FAM117B: variants seen among roughly 807,000 people sequenced by gnomAD.
FAM117B encodes the protein family with sequence similarity 117 member B, also known as protein FAM117B.
A neutral mutation model predicts 52.8 loss-of-function variants in FAM117B; 22 were observed. The observed-to-expected ratio is 0.42, with a 90% confidence interval of 0.30 to 0.59. The LOEUF (loss-of-function observed/expected upper bound fraction) is 0.59. Among genes scored for constraint, FAM117B ranks in the 20% least tolerant of loss-of-function variants. The probability of loss-of-function intolerance (pLI) is 0.22; values close to 1 mark genes in which losing one functional copy is unlikely to be tolerated. For synonymous variants in FAM117B, 309 were observed against 324.1 expected, an observed-to-expected ratio of 0.95 and a Z score of 0.50; for missense variants, 678 against 802.6, an observed-to-expected ratio of 0.84 and a Z score of 1.88.
intron 2 of FAM117B, among the ~76,000 whole-genome samples, chr2:202,703,485 G>A (rs1690825848): frequency 6.6e-6 from 1 of 152,144 alleles, no homozygotes; most frequent in Non-Finnish European, 1.5e-5. Flanking sequence ...CTCCTGATTA[G>A]CTAGGACTAT....
chr2:202,745,766 G>A (rs1691622337), intron 4 of FAM117B, among the ~76,000 whole-genome samples: 5 of 152,078 alleles, frequency 3.3e-5, no homozygotes, highest in South Asian at 2.1e-4. Flanking sequence ...GCTATTCCAC[G>A]CAAATGGAAA....
intron 2 of FAM117B, among the ~76,000 whole-genome samples, chr2:202,708,147 G>A (rs759509139): frequency 1.3e-5 from 2 of 152,126 alleles, no homozygotes; most frequent in Non-Finnish European, 1.5e-5. Context: ...AATATAATAG[G>A]TATGATAATT....
intron 2 of FAM117B, among the ~76,000 whole-genome samples, chr2:202,700,014 G>A (rs1444425464): frequency 6.6e-6 from 1 of 152,112 alleles, no homozygotes; most frequent in Admixed American, 6.6e-5. Flanking sequence ...TATATAAGAC[G>A]GGGAACTTAA....
intron 1 of FAM117B, among the ~76,000 whole-genome samples, chr2:202,648,146 T>A (rs554952398): frequency 6.6e-5 from 10 of 152,286 alleles, no homozygotes; most frequent in African/African-American, 2.4e-4. Context: ...TTGTCTCAGT[T>A]CATTCTTCTC....
At chr2:202,722,526 A>G (rs1457142668) in intron 2 of FAM117B, among the ~76,000 whole-genome samples, 1 of 152,184 alleles carries the variant, frequency 6.6e-6, no homozygotes, top group South Asian at 2.1e-4. Context: ...TTGCAGGAAC[A>G]TGGATGGAGC....
At chr2:202,714,298 T>G (rs1691003098) in intron 2 of FAM117B, among the ~76,000 whole-genome samples, 1 of 152,158 alleles carries the variant, frequency 6.6e-6, no homozygotes, top group Non-Finnish European at 1.5e-5. Context: ...GGTTGAAATG[T>G]TCTGCAAATA....
At chr2:202,763,640 T>A (rs898605983) in intron 7 of FAM117B, among the ~76,000 whole-genome samples, 2 of 152,208 alleles carry the variant, frequency 1.3e-5, no homozygotes, top group African/African-American at 2.4e-5. Context: ...GTTGTTCTTA[T>A]CAGTAATATA....
In FAM117B at chr2:202,724,897, C is replaced by G; in HGVS notation, c.754-20C>G. On this transcript the variant is annotated intron_variant, in intron 2 of 7. Coordinates refer to ENST00000392238, the MANE Select transcript of FAM117B (RefSeq NM_173511.4). ...GAAATGATTTTTGTTAAATACACCT[C>G]CCCTCTTTTTTCATTACAGACAGAG... 6.4e-7 allele frequency: 1 copy of G among 1,566,300 alleles called. No individual in the cohort carries two copies. Among genetic ancestry groups the G allele is most frequent in the Non-Finnish European group, 8.7e-7 (1 of 1,149,970 alleles).
intron 1 of FAM117B, among the ~76,000 whole-genome samples, chr2:202,653,307 A>G (rs1689983531): frequency 6.6e-6 from 1 of 152,172 alleles, no homozygotes; most frequent in South Asian, 2.1e-4. Context: ...CCCCCACAAA[A>G]GTGAAGACCC....
At chr2:202,649,171 C>G (rs1245092630) in intron 1 of FAM117B, among the ~76,000 whole-genome samples, 1 of 152,102 alleles carries the variant, frequency 6.6e-6, no homozygotes, top group African/African-American at 2.4e-5. Context: ...CATTTTTTCC[C>G]CATCCTCCTT....
intron 1 of FAM117B, among the ~76,000 whole-genome samples, chr2:202,691,508 A>C (rs535604997): frequency 1.3e-5 from 2 of 152,296 alleles, no homozygotes; most frequent in South Asian, 4.1e-4. Flanking sequence ...AATTAAAAAA[A>C]AAAATGAAAT....
chr2:202,756,516 G>A (rs1393207083), intron 5 of FAM117B, among the ~76,000 whole-genome samples: 1 of 152,100 alleles, frequency 6.6e-6, no homozygotes, highest in Non-Finnish European at 1.5e-5. Flanking sequence ...CTATTCTTTA[G>A]TGAAGGAGGA....
chr2:202,724,529 G>T (rs544423343), intron 2 of FAM117B, among the ~76,000 whole-genome samples: 18 of 152,282 alleles, frequency 1.2e-4, no homozygotes, highest in Admixed American at 6.5e-4. Context: ...TAGCACATAA[G>T]AGCACAAGAA....
chr2:202,664,028 A>G (rs1263430036), intron 1 of FAM117B, among the ~76,000 whole-genome samples: 2 of 152,298 alleles, frequency 1.3e-5, no homozygotes, highest in African/African-American at 4.8e-5. Context: ...ATTATTTCCA[A>G]AAAAAAGCAT....
At chr2:202,694,099 T>C (rs1282886259) in intron 1 of FAM117B, among the ~76,000 whole-genome samples, 1 of 152,070 alleles carries the variant, frequency 6.6e-6, no homozygotes, top group Non-Finnish European at 1.5e-5. Flanking sequence ...TATTAAATCA[T>C]GTATGAGGTG....
intron 4 of FAM117B, among the ~76,000 whole-genome samples, chr2:202,741,241 G>A (rs1348141966): frequency 6.6e-6 from 1 of 151,744 alleles, no homozygotes; most frequent in Non-Finnish European, 1.5e-5. Context: ...TCAACATGGT[G>A]AAACGCCATC....
chr2:202,758,727 C>A (rs1691839712), intron 6 of FAM117B, among the ~76,000 whole-genome samples: 1 of 152,120 alleles, frequency 6.6e-6, no homozygotes, highest in Non-Finnish European at 1.5e-5. Flanking sequence ...CTTTGAAGGA[C>A]CTTTTGGAAA....
rs1425452542 is a variant in FAM117B, at chr2:202,690,705, G to GA, written c.602-5175dup. On this transcript the variant is annotated intron_variant, in intron 1 of 7. Coordinates refer to ENST00000392238, the MANE Select transcript of FAM117B (RefSeq NM_173511.4). ...TGCAAGTCCATGGTCTTAGTGTAGG[G>GA]ATCAAGGCAGTGCAGGCAAAAAAGT... Among the ~76,000 whole-genome samples the GA allele has an allele frequency of 2.0e-5, 3 of 152,316 alleles. No individual in the cohort carries two copies. The South Asian group carries it at 6.2e-4, about 32-fold the overall frequency.
At chr2:202,730,441 G>C (rs1356196852) in intron 4 of FAM117B, among the ~76,000 whole-genome samples, 1 of 152,076 alleles carries the variant, frequency 6.6e-6, no homozygotes. Context: ...AGGCCGAGGC[G>C]GGTGGGTTGC....
Sources: allele counts gnomAD v4.1 joint callset (sites outside exome capture counted in the v4.1 genomes callset), GRCh38; gene constraint gnomAD v4.1.1; transcripts MANE v1.5; gene names NCBI Gene and HGNC (gene_info 2026-07-23, HGNC 2026-07-21).